TANK: variants seen among roughly 807,000 people sequenced by gnomAD.
The protein encoded by TANK is TRAF family member-associated NF-kappa-B activator.
Under a neutral mutation model 43.6 loss-of-function variants are expected in TANK, and 15 were observed. The ratio of observed to expected loss-of-function variants is 0.34; its 90% CI spans 0.23 to 0.53. The LOEUF (loss-of-function observed/expected upper bound fraction) is 0.53. Among genes scored for constraint, TANK ranks in the 20% least tolerant of loss-of-function variants. TANK has a pLI of 0.94. For missense variants in TANK, 417 were observed against 498.6 expected, an observed-to-expected ratio of 0.84 and a Z score of 1.56; for synonymous variants, 162 against 178.2, an observed-to-expected ratio of 0.91 and a Z score of 0.73.
intron 4 of TANK, chr2:161,212,389 T>G (rs112939053): frequency 1.0e-6 from 1 of 984,718 alleles, no homozygotes; most frequent in African/African-American, 1.7e-5. Context: ...AAAACAAATA[T>G]TGATATCCAA....
At chr2:161,192,543 A>G (rs562030707) in intron 2 of TANK, among the ~76,000 whole-genome samples, 5 of 152,042 alleles carry the variant, frequency 3.3e-5, no homozygotes, top group Non-Finnish European at 5.9e-5. Flanking sequence ...TGTTTTTTTT[A>G]GAACCTCTAG....
intron 1 of TANK, among the ~76,000 whole-genome samples, chr2:161,138,593 T>A (rs1433680046): frequency 6.6e-6 from 1 of 152,186 alleles, no homozygotes; most frequent in Non-Finnish European, 1.5e-5. Context: ...GTGGGCACAC[T>A]AGTGTGCCTC....
intron 4 of TANK, chr2:161,207,560 A>T (rs1182839722): frequency 1.0e-6 from 1 of 984,016 alleles, no homozygotes; most frequent in East Asian, 1.1e-4. Context: ...AAAAGAATGG[A>T]TAAATTAGAT....
At chr2:161,162,602 T>C (rs935945950) in intron 1 of TANK, 1 of 152,112 alleles carries the variant, frequency 6.6e-6, no homozygotes, top group African/African-American at 2.4e-5. Flanking sequence ...TCTTGTTTCT[T>C]AGTTTGGGGA....
chr2:161,209,867 C>T (rs1686802631), intron 4 of TANK, among the ~76,000 whole-genome samples: 1 of 152,122 alleles, frequency 6.6e-6, no homozygotes, highest in Non-Finnish European at 1.5e-5. Flanking sequence ...TAATAATTAA[C>T]ATTATTGAAT....
At chr2:161,206,687 G>A (rs530282157) in intron 4 of TANK, among the ~76,000 whole-genome samples, 1 of 152,024 alleles carries the variant, frequency 6.6e-6, no homozygotes, top group East Asian at 1.9e-4. Flanking sequence ...AAATATACTA[G>A]GTTTATTTTG....
chr2:161,140,147 C>T (rs527757557), intron 1 of TANK, among the ~76,000 whole-genome samples: 6 of 152,062 alleles, frequency 3.9e-5, no homozygotes, highest in African/African-American at 1.4e-4. Flanking sequence ...GATAAAAATA[C>T]CAAAATGTTC....
intron 1 of TANK, chr2:161,161,539 G>T: frequency 1.4e-6 from 2 of 1,440,872 alleles, no homozygotes; most frequent in South Asian, 1.4e-5. Context: ...CCTCTCCCCA[G>T]TTGTAATCCA....
rs372981467 is a variant in TANK at position 161,169,449 on chromosome 2, T to A, written c.-50+8963T>A. Among the ~76,000 whole-genome samples, 25 of 152,254 alleles carry A rather than the reference T, an allele frequency of 1.6e-4. 1 individual carries two copies. Among genetic ancestry groups the A allele is most frequent in the East Asian group, 1.5e-3 (8 of 5,192 alleles). The stretch of plus-strand genomic sequence containing the variant: ...AATCTAATGAAAAATTAGATATAAC[T>A]GTATTGGGGAAATGGGGGAGAATAG... On this transcript the variant is annotated intron_variant, in intron 1 of 7. Coordinates refer to ENST00000392749, the MANE Select transcript of TANK (RefSeq NM_001199135.3).
At chr2:161,186,103 T>A (rs1038291335) in intron 2 of TANK, among the ~76,000 whole-genome samples, 6 of 152,106 alleles carry the variant, frequency 3.9e-5, no homozygotes, top group Non-Finnish European at 8.8e-5. Context: ...CCAGTGATCC[T>A]GGGAGATTGA....
At chr2:161,140,652 T>G (rs892225361) in intron 1 of TANK, among the ~76,000 whole-genome samples, 20 of 152,196 alleles carry the variant, frequency 1.3e-4, no homozygotes, top group African/African-American at 4.8e-4. Context: ...TGTATTGTTA[T>G]TCTTTCTTCT....
At chr2:161,167,835 A>G (rs1684757821) in intron 1 of TANK, among the ~76,000 whole-genome samples, 2 of 152,080 alleles carry the variant, frequency 1.3e-5, no homozygotes, top group East Asian at 1.9e-4. Flanking sequence ...CGTGTTAGCC[A>G]GGATGGTCTC....
At chr2:161,162,017 CTAAGA>C (rs768804322) in intron 1 of TANK, 1 of 152,070 alleles carries the variant, frequency 6.6e-6, no homozygotes, top group African/African-American at 2.4e-5. Flanking sequence ...TTTTTGTATG[CTAAGA>C]TAAGGATTTA....
intron 6 of TANK, among the ~76,000 whole-genome samples, chr2:161,226,130 A>G (rs1021169249): frequency 6.6e-6 from 1 of 152,144 alleles, no homozygotes; most frequent in African/African-American, 2.4e-5. Context: ...TTTTCAAGGC[A>G]TTGTAATGGT....
chr2:161,184,043 G>A (rs1291269141), intron 2 of TANK, among the ~76,000 whole-genome samples: 4 of 151,998 alleles, frequency 2.6e-5, no homozygotes, highest in Non-Finnish European at 5.9e-5. Flanking sequence ...TTGAGCTAAG[G>A]TTAGGAAGAA....
At chr2:161,203,627 A>G (rs370415888) in intron 3 of TANK, 32 bp downstream of exon 3, 85 of 1,416,738 alleles carry the variant, frequency 6.0e-5, no homozygotes, top group African/African-American at 1.4e-4. Context: ...ATGTATTTCT[A>G]GAACCTCTTG....
At chr2:161,145,260 A>G (rs1227900907) in intron 1 of TANK, among the ~76,000 whole-genome samples, 1 of 146,622 alleles carries the variant, frequency 6.8e-6, no homozygotes, top group East Asian at 2.1e-4. Context: ...CACACTGATG[A>G]GTCTTGACTC....
intron 1 of TANK, chr2:161,161,057 A>C (rs936775874): frequency 4.3e-5 from 28 of 651,438 alleles, no homozygotes; most frequent in Non-Finnish European, 6.4e-5. Flanking sequence ...TGGCCAAGGC[A>C]GGAAGAACAG....
chr2:161,228,184 C>T (rs1687726591), intron 6 of TANK, among the ~76,000 whole-genome samples: 2 of 152,156 alleles, frequency 1.3e-5, no homozygotes, highest in Admixed American at 1.3e-4. Flanking sequence ...CATTTTCAGT[C>T]AACAACAGAT....
Sources: allele counts gnomAD v4.1 joint callset (sites outside exome capture counted in the v4.1 genomes callset), GRCh38; gene constraint gnomAD v4.1.1; transcripts MANE v1.5; gene names NCBI Gene and HGNC (gene_info 2026-07-23, HGNC 2026-07-21).